The following LPCAT1 variants were observed in gnomAD, a reference collection of about 807,000 sequenced individuals.
LPCAT1 encodes the protein 1-acylglycerol-3-phosphate O-acyltransferase.
LPCAT1 carries 23 observed loss-of-function variants against 60.9 expected under a neutral mutation model. That is an observed-to-expected ratio of 0.38 (90% confidence interval 0.27 to 0.53). LPCAT1 has a LOEUF of 0.53. Ranked by LOEUF, LPCAT1 falls within the 20% of genes least tolerant of loss-of-function variation. LPCAT1 has a pLI of 0.82. For synonymous variants in LPCAT1, 340 were observed against 301.1 expected, an observed-to-expected ratio of 1.13 and a Z score of -1.34; for missense variants, 622 against 723.6, an observed-to-expected ratio of 0.86 and a Z score of 1.61.
In LPCAT1 at chr5:1,477,541, C is replaced by T; in HGVS notation, c.817-55G>A. On this transcript the variant is annotated intron_variant, in intron 8 of 13. Transcript: ENST00000283415. This position sits in a 1 kb window ranked among gnomAD's most constrained non-coding sequence, Gnocchi z 6.0. Reference sequence around the variant, plus strand: ...CACAAGACGCTGACCTCAGCAACACCACTGTAACGACAACTGGGAGGCTGA... The same window carrying T: ...CACAAGACGCTGACCTCAGCAACACTACTGTAACGACAACTGGGAGGCTGA... 9.9e-6 allele frequency: 13 copies of T among 1,307,660 alleles called. No homozygotes were observed. Among genetic ancestry groups the T allele is most frequent in the African/African-American group, 2.9e-5 (2 of 68,038 alleles). The allele number at this position is 1,307,660 out of a possible 1,614,324, so 81.0% of individuals were successfully genotyped here.
At chr5:1,473,089 G>C (rs1734753638) in intron 11 of LPCAT1, among the ~76,000 whole-genome samples, 1 of 151,998 alleles carries the variant, frequency 6.6e-6, no homozygotes, top group Admixed American at 6.5e-5. Flanking sequence ...TCCTCCCCCT[G>C]TCCTGAGTGC....
intron 1 of LPCAT1, among the ~76,000 whole-genome samples, chr5:1,503,965 T>G (rs550821825): frequency 6.6e-6 from 1 of 152,228 alleles, no homozygotes; most frequent in Non-Finnish European, 1.5e-5. Flanking sequence ...CCAGATATTT[T>G]TCTATTTTAT....
intron 1 of LPCAT1, among the ~76,000 whole-genome samples, chr5:1,510,430 G>A (rs901487192): frequency 2.0e-5 from 3 of 152,170 alleles, no homozygotes; most frequent in East Asian, 1.9e-4. Flanking sequence ...TCTTGCCTGC[G>A]AGATGACAGT....
intron 1 of LPCAT1, chr5:1,510,987 C>G (rs1736338793): frequency 2.0e-5 from 3 of 152,288 alleles, no homozygotes; most frequent in Admixed American, 2.0e-4. Flanking sequence ...GTTAGTCCTG[C>G]TTTCTGGAAA....
rs1226788724 is a variant in LPCAT1 at position 1,502,705 on chromosome 5, A to G, written c.136-1102T>C. Among the ~76,000 whole-genome samples, 1 of 152,152 alleles carries G rather than the reference A, an allele frequency of 6.6e-6. No individual in the cohort carries two copies. Among genetic ancestry groups the G allele is most frequent in the Non-Finnish European group, 1.5e-5 (1 of 68,030 alleles). ...TGAGGTGCAGGTTTAGTGCAGAGACAGAAAAGACCCAGGAGACACAGATCG... is the reference window on the plus strand; with the variant it reads ...TGAGGTGCAGGTTTAGTGCAGAGACGGAAAAGACCCAGGAGACACAGATCG... On this transcript the variant is annotated intron_variant, in intron 1 of 13. Transcript: ENST00000283415. The surrounding 1 kb of genome is among the most constrained non-coding windows in gnomAD (Gnocchi z 5.5).
chr5:1,511,590 GT>G (rs563392155), intron 1 of LPCAT1, among the ~76,000 whole-genome samples: 1 of 151,754 alleles, frequency 6.6e-6, no homozygotes, highest in Admixed American at 6.6e-5. Context: ...ACGTGGGGAT[GT>G]CATCTGCTCA....
At chr5:1,509,999 G>A (rs953492425) in intron 1 of LPCAT1, among the ~76,000 whole-genome samples, 11 of 152,194 alleles carry the variant, frequency 7.2e-5, no homozygotes, top group African/African-American at 2.7e-4. Flanking sequence ...AACATTTTAT[G>A]TTTACTGGGT....
chr5:1,506,097 G>C (rs1177340787), intron 1 of LPCAT1, among the ~76,000 whole-genome samples: 3 of 152,270 alleles, frequency 2.0e-5, no homozygotes, highest in Admixed American at 1.3e-4. Flanking sequence ...GGGCTGATGA[G>C]GGGAGGGTGG....
Position 1,463,630 on chromosome 5 carries a change from G to A in LPCAT1, c.*21C>T, listed in dbSNP as rs769006237. ...GTGATGTCCACGCGGGAGGGGCCGC[G>A]TCTCTCCGCAACCCTGGGTCCTAAT... On this transcript the variant is annotated 3_prime_UTR_variant, in exon 14 of 14. Transcript: ENST00000283415. The A allele has an allele frequency of 6.2e-7, 1 of 1,612,762 alleles. No homozygotes were observed. The highest frequency in any genetic ancestry group is 2.2e-5 in the East Asian group (1 of 44,874).
At position 1,463,751 on chromosome 5, in the gene LPCAT1, G is replaced by A. The variant is rs537723576; in HGVS notation, c.1505C>T (p.Ala502Val). The A allele has an allele frequency of 6.2e-7, 1 of 1,614,244 alleles. No homozygotes were observed. Among genetic ancestry groups the A allele is most frequent in the South Asian group, 1.1e-5 (1 of 91,084 alleles). The change falls in exon 14 of 14, where the codon GCA (alanine) becomes GTA (valine). Residue 502 changes from alanine to valine, a missense_variant. Ala to Val is a moderately conservative substitution (Grantham distance 64). Around this residue, in one of 3 missense-constraint regions of LPCAT1, gnomAD observed 288 missense variants for 283.6 expected, o/e 1.02. Coordinates refer to ENST00000283415, the MANE Select transcript of LPCAT1 (RefSeq NM_024830.5). The stretch of plus-strand genomic sequence containing the variant: ...TGGGATTGGCGCAGGTGAGGTCTCT[G>A]CACAGCTTTCGAAATGTGTCTGATC... ...YPDQTHFESC[A>V]ETSPAPIPNG...
rs1303371190 is a variant in LPCAT1, at chr5:1,483,903, C to T, written c.668-417G>A. ...ATAACATTGCGCACGAGCTGGAAGA[C>T]ATCCGTGGAGGGACACTTTCTGCTG... On this transcript the variant is annotated intron_variant, in intron 5 of 13. Coordinates refer to ENST00000283415, the MANE Select transcript of LPCAT1 (RefSeq NM_024830.5). This position sits in a 1 kb window ranked among gnomAD's most constrained non-coding sequence, Gnocchi z 9.2. 6.6e-6 allele frequency among the ~76,000 whole-genome samples: 1 copy of T among 151,638 alleles called. No homozygotes were observed. Among genetic ancestry groups the T allele is most frequent in the East Asian group, 1.9e-4 (1 of 5,166 alleles).
At chr5:1,500,560 C>T (rs547535796) in intron 2 of LPCAT1, among the ~76,000 whole-genome samples, 1 of 151,980 alleles carries the variant, frequency 6.6e-6, no homozygotes, top group Non-Finnish European at 1.5e-5. Flanking sequence ...GCCAGGCCAA[C>T]GTTGGCTGAC....
At position 1,479,480 on chromosome 5, in the gene LPCAT1, G is replaced by A. The variant is rs1735046331; in HGVS notation, c.816+141C>T. 6 of 680,614 alleles carry A rather than the reference G, an allele frequency of 8.8e-6. No homozygotes were observed. The East Asian group carries it at 1.6e-4, about 18-fold the overall frequency. The allele number at this position is 680,614 out of a possible 1,614,324, so 42.2% of individuals were successfully genotyped here. A position where few individuals can be genotyped will look rare whatever the true frequency, so the allele number is the denominator to read the frequency against. On this transcript the variant is annotated intron_variant, in intron 8 of 13. Transcript: ENST00000283415. ...TAAAGCAACCAGAGGCTCCTCGAAGGAGCCCTGAGAAACGGAAAGATGGGA... is the reference window on the plus strand; with the variant it reads ...TAAAGCAACCAGAGGCTCCTCGAAGAAGCCCTGAGAAACGGAAAGATGGGA...
chr5:1,480,280 G>A lies in LPCAT1; in HGVS notation c.762-605C>T. The A allele has an allele frequency of 2.1e-6, 2 of 973,760 alleles. No homozygotes were observed. The highest frequency in any genetic ancestry group is 9.5e-5 in the South Asian group (2 of 20,982). The allele number at this position is 973,760 out of a possible 1,614,324, so 60.3% of individuals were successfully genotyped here. A position where few individuals can be genotyped will look rare whatever the true frequency, so the allele number is the denominator to read the frequency against. On this transcript the variant is annotated intron_variant, in intron 7 of 13. Transcript: ENST00000283415. This position sits in a 1 kb window ranked among gnomAD's most constrained non-coding sequence, Gnocchi z 6.4. ...CCCAGCTGGGAGCCTCCACACGCCA[G>A]CCTGGGAAGCGCTGACCTCAACACC... is the stretch of plus-strand genomic sequence containing the variant.
rs1176071642 is a variant in LPCAT1 at position 1,474,066 on chromosome 5, T to C, written c.1070A>G (p.Glu357Gly). The change falls in exon 11 of 14, where the codon GAA becomes GGA. Residue 357 changes from glutamate to glycine, a missense_variant. By Grantham distance (98) the Glu-to-Gly change is moderately conservative. This residue lies in a region of LPCAT1 where 288 missense variants were observed against 283.6 expected (regional missense o/e 1.02). Coordinates refer to ENST00000283415, the MANE Select transcript of LPCAT1 (RefSeq NM_024830.5). ...CTCTCCTCCCTTCATCCTGGCTCTT[T>C]CTGAGTATCTGTCCAGATCTTTTTC... is the stretch of plus-strand genomic sequence containing the variant. ...KLEKDLDRYS[E>G]RARMKGGEKI... 6.2e-7 allele frequency: 1 copy of C among 1,614,072 alleles called. No individual in the cohort carries two copies. Among genetic ancestry groups the C allele is most frequent in the Non-Finnish European group, 8.5e-7 (1 of 1,180,032 alleles).
In LPCAT1 at chr5:1,483,392, T is replaced by C. The variant is rs763658386; in HGVS notation, c.726+36A>G. The C allele has an allele frequency of 3.1e-6, 5 of 1,609,922 alleles. No homozygotes were observed. In the East Asian group the frequency reaches 1.1e-4, roughly 36 times the overall value. ...TCGCAGTTCCCGTTTCCCGGAGAATTCCCCTGGAAGCTGACCCCAAAAAAA... is the reference window on the plus strand; with the variant it reads ...TCGCAGTTCCCGTTTCCCGGAGAATCCCCCTGGAAGCTGACCCCAAAAAAA... On this transcript the variant is annotated intron_variant, in intron 6 of 13. Transcript: ENST00000283415. The surrounding 1 kb of genome is among the most constrained non-coding windows in gnomAD (Gnocchi z 9.2).
chr5:1,467,073 G>C (rs1175365067), intron 12 of LPCAT1, 183 bp from the exon 13 acceptor site: 14 of 519,820 alleles, frequency 2.7e-5, no homozygotes, highest in Non-Finnish European at 3.9e-5. Flanking sequence ...CCTGTGCCTT[G>C]GATCTGGCCC....
intron 2 of LPCAT1, among the ~76,000 whole-genome samples, chr5:1,498,831 G>A (rs1463333673): frequency 6.7e-6 from 1 of 150,280 alleles, no homozygotes; most frequent in African/African-American, 2.5e-5. Flanking sequence ...TGCACTGGTG[G>A]CTCACATACA....
At chr5:1,519,141 C>T (rs1051066480) in intron 1 of LPCAT1, among the ~76,000 whole-genome samples, 2 of 152,210 alleles carry the variant, frequency 1.3e-5, no homozygotes, top group African/African-American at 4.8e-5. Flanking sequence ...AGACAGTGTC[C>T]GTTTAAGACG....
Sources: gnomAD v4.1 joint callset for allele counts (sites outside exome capture counted in the v4.1 genomes callset) on GRCh38, gnomAD v4.1.1 for gene constraint, gnomAD v4.1.1 regional missense constraint, Gnocchi (gnomAD v3.1) non-coding constraint, MANE v1.5 for transcripts, NCBI Gene and HGNC (gene_info 2026-07-23, HGNC 2026-07-21) for gene names.